The following PTPRN2 variants were observed in gnomAD, a reference collection of about 807,000 sequenced individuals.
PTPRN2 encodes the protein protein tyrosine phosphatase receptor type N2.
A neutral mutation model predicts 118.8 loss-of-function variants in PTPRN2; 74 were observed. The observed-to-expected ratio is 0.62, with a 90% CI of 0.52 to 0.76. The LOEUF (loss-of-function observed/expected upper bound fraction) is 0.76. Ranked by LOEUF, PTPRN2 falls within the 30% of genes least tolerant of loss-of-function variation. The probability of loss-of-function intolerance (pLI) is 0.00; values close to 1 mark genes in which losing one functional copy is unlikely to be tolerated. For missense variants in PTPRN2, 1,481 were observed against 1,394.4 expected (o/e 1.06, Z -0.99); for synonymous variants, 641 against 608.0 (o/e 1.05, Z -0.80).
rs1796130808 is a variant in PTPRN2, at chr7:157,881,547, G to A, written c.1788+17126C>T. The stretch of plus-strand genomic sequence containing the variant: ...GTATTCTGTTGTGGCAGCCAGAGAG[G>A]ACGCACATGGTCAACATGGCAACAC... On this transcript the variant is annotated intron_variant, in intron 12 of 22. Coordinates refer to ENST00000389418, the MANE Select transcript of PTPRN2 (RefSeq NM_002847.5). This position sits in a 1 kb window ranked among gnomAD's most constrained non-coding sequence, Gnocchi z 4.7. 6.6e-6 allele frequency among the ~76,000 whole-genome samples: 1 copy of A among 152,120 alleles called. No individual in the cohort carries two copies.
chr7:158,258,082 T>G (rs542804446), intron 3 of PTPRN2, among the ~76,000 whole-genome samples: 103 of 152,360 alleles, frequency 6.8e-4, no homozygotes, highest in African/African-American at 2.3e-3. Flanking sequence ...GGCGGGAGCC[T>G]GACAGTTTAA....
Position 157,808,221 on chromosome 7 carries a change from G to A in PTPRN2, c.1788+90452C>T, listed in dbSNP as rs1336841650. ...AGCTGTTGAGTGGCCGGTGAGTGGT[G>A]GGTGAGTGAGCAGGTGAGTGGCAGG... is the stretch of plus-strand genomic sequence containing the variant. On this transcript the variant is annotated intron_variant, in intron 12 of 22. Coordinates refer to ENST00000389418, the MANE Select transcript of PTPRN2 (RefSeq NM_002847.5). The surrounding 1 kb of genome is among the most constrained non-coding windows in gnomAD (Gnocchi z 5.0). 6.7e-6 allele frequency among the ~76,000 whole-genome samples: 1 copy of A among 150,262 alleles called. No individual in the cohort carries two copies. Among genetic ancestry groups the A allele is most frequent in the Admixed American group, 6.6e-5 (1 of 15,156 alleles).
chr7:158,085,563 G>C (rs111204866), intron 10 of PTPRN2, among the ~76,000 whole-genome samples: 1 of 74,934 alleles, frequency 1.3e-5, no homozygotes, highest in Non-Finnish European at 2.5e-5. Flanking sequence ...CACCCACCAC[G>C]CCCATCCACA....
chr7:158,311,622 C>G (rs957027192), intron 3 of PTPRN2, among the ~76,000 whole-genome samples: 1 of 152,240 alleles, frequency 6.6e-6, no homozygotes, highest in Non-Finnish European at 1.5e-5. Context: ...ATTTACCCTC[C>G]TCTTCGTGCA....
chr7:158,145,194 C>G (rs1441632313), intron 6 of PTPRN2, among the ~76,000 whole-genome samples: 2 of 150,988 alleles, frequency 1.3e-5, no homozygotes, highest in African/African-American at 2.4e-5. Flanking sequence ...CAGAATACCA[C>G]AGCTCGGCAA....
chr7:157,911,361 T>C (rs768539331), intron 11 of PTPRN2, among the ~76,000 whole-genome samples: 11 of 152,112 alleles, frequency 7.2e-5, no homozygotes, highest in Non-Finnish European at 1.3e-4. Context: ...CTGCTTAGTA[T>C]AGAAATAGCA....
intron 12 of PTPRN2, chr7:157,865,277 G>C (rs1009394874): frequency 6.6e-6 from 1 of 152,286 alleles, no homozygotes; most frequent in Non-Finnish European, 1.5e-5. Context: ...TGCACCAGGG[G>C]ATGAACGAGG....
At chr7:158,323,781 T>C (rs1428214162) in intron 2 of PTPRN2, among the ~76,000 whole-genome samples, 2 of 152,182 alleles carry the variant, frequency 1.3e-5, no homozygotes, top group African/African-American at 4.8e-5. Flanking sequence ...AGCCCACTTC[T>C]ATTCTCATAT....
At chr7:157,634,597 C>G (rs908365292) in intron 14 of PTPRN2, among the ~76,000 whole-genome samples, 3 of 152,174 alleles carry the variant, frequency 2.0e-5, no homozygotes, top group African/African-American at 7.2e-5. Context: ...GTCAATGCAT[C>G]GCGACCGGGC....
chr7:157,689,558 C>CT (rs1368968891), intron 12 of PTPRN2, among the ~76,000 whole-genome samples: 2 of 152,248 alleles, frequency 1.3e-5, no homozygotes, highest in Admixed American at 1.3e-4. Context: ...GATTTTAACT[C>CT]TAACTTGGGG....
At chr7:158,330,037 T>TGC (rs1804055439) in intron 2 of PTPRN2, among the ~76,000 whole-genome samples, 2 of 111,572 alleles carry the variant, frequency 1.8e-5, no homozygotes, top group Admixed American at 8.8e-5. Flanking sequence ...AGAGGTGACA[T>TGC]CTGCAGACGT....
At position 157,552,907 on chromosome 7, in the gene PTPRN2, C is replaced by T. The variant is rs140365792; in HGVS notation, c.2903-3888G>A. ...GTCCAGTGAGGGTCCAGTGAGATGACGCATGATTACGTGTAATTTACAAAA... is the reference window on the plus strand; with the variant it reads ...GTCCAGTGAGGGTCCAGTGAGATGATGCATGATTACGTGTAATTTACAAAA... On this transcript the variant is annotated intron_variant, in intron 21 of 22. Coordinates refer to ENST00000389418, the MANE Select transcript of PTPRN2 (RefSeq NM_002847.5). 7.8e-3 allele frequency among the ~76,000 whole-genome samples: 1,194 copies of T among 152,304 alleles called. 8 individuals are homozygous for T. Among genetic ancestry groups the T allele is most frequent in the Non-Finnish European group, 0.013 (877 of 68,034 alleles).
rs368896979 is a variant in PTPRN2, at chr7:158,092,795, T to C, written c.1644-11418A>G. Among the ~76,000 whole-genome samples the C allele has an allele frequency of 2.1e-4, 32 of 152,268 alleles. 1 individual carries two copies. The South Asian group carries it at 5.4e-3, about 26-fold the overall frequency. On this transcript the variant is annotated intron_variant, in intron 10 of 22. Coordinates refer to ENST00000389418, the MANE Select transcript of PTPRN2 (RefSeq NM_002847.5). The stretch of plus-strand genomic sequence containing the variant: ...CACAGTACATGTTTTAGGGGCTCCC[T>C]AAAGCCAGCCCCTCAGCCTCGAGGT...
At chr7:158,459,789 C>T (rs900769481) in intron 2 of PTPRN2, among the ~76,000 whole-genome samples, 5 of 150,190 alleles carry the variant, frequency 3.3e-5, no homozygotes, top group Admixed American at 2.7e-4. Context: ...TATCTACATG[C>T]TCCTCCTAGA....
At chr7:158,228,480 T>C (rs1478874878) in intron 3 of PTPRN2, among the ~76,000 whole-genome samples, 1 of 152,046 alleles carries the variant, frequency 6.6e-6, no homozygotes, top group Admixed American at 6.5e-5. Context: ...TGGAAATTTC[T>C]ACTAGGAGGG....
At chr7:158,257,792 T>C (rs769220614) in intron 3 of PTPRN2, among the ~76,000 whole-genome samples, 4 of 152,210 alleles carry the variant, frequency 2.6e-5, no homozygotes, top group Non-Finnish European at 5.9e-5. Context: ...ATCACAGGGA[T>C]GGCGTGCGTG....
Position 158,565,452 on chromosome 7 carries a change from C to T in PTPRN2, c.112+22106G>A, listed in dbSNP as rs898504410. On this transcript the variant is annotated intron_variant, in intron 1 of 22. Coordinates refer to ENST00000389418, the MANE Select transcript of PTPRN2 (RefSeq NM_002847.5). The surrounding 1 kb of genome is among the most constrained non-coding windows in gnomAD (Gnocchi z 4.6). ...CAGGTGCCACAGGCCATCTGGACAC[C>T]ACCTCTGCTGAGCACAAAGGTGGAC... Among the ~76,000 whole-genome samples the T allele has an allele frequency of 6.6e-6, 1 of 152,180 alleles. No homozygotes were observed. Among genetic ancestry groups the T allele is most frequent in the Non-Finnish European group, 1.5e-5 (1 of 68,020 alleles).
At chr7:158,270,804 CCTCACCTGGACCGCCCCCTCCACCTGG>C in intron 3 of PTPRN2, among the ~76,000 whole-genome samples, 1 of 21,454 alleles carries the variant, frequency 4.7e-5, no homozygotes, top group East Asian at 1.7e-3. Context: ...TGGACCACCC[CCTCACCTGGACCGCCCCCTCCACCTGG>C]ATGACCCCCT....
intron 12 of PTPRN2, among the ~76,000 whole-genome samples, chr7:157,737,362 C>T (rs1800360395): frequency 6.6e-6 from 1 of 152,228 alleles, no homozygotes; most frequent in Non-Finnish European, 1.5e-5. Flanking sequence ...CTCAGCACGA[C>T]CTCAACCTGA....
Sources: gnomAD v4.1 joint callset for allele counts (sites outside exome capture counted in the v4.1 genomes callset) on GRCh38, gnomAD v4.1.1 for gene constraint, Gnocchi (gnomAD v3.1) non-coding constraint, MANE v1.5 for transcripts, NCBI Gene and HGNC (gene_info 2026-07-23, HGNC 2026-07-21) for gene names.